Variants in PLCB4 observed in about 807,000 individuals in gnomAD.
PLCB4 encodes the protein phospholipase C beta 4, also known as 1-phosphatidylinositol 4,5-bisphosphate phosphodiesterase beta-4.
In PLCB4, 77 loss-of-function variants were observed where a neutral mutation model predicts 178.8. The ratio of observed to expected loss-of-function variants is 0.43; its 90% CI spans 0.36 to 0.52. PLCB4 has a LOEUF of 0.52. Among genes scored for constraint, PLCB4 ranks in the 20% least tolerant of loss-of-function variants. PLCB4 has a pLI of 0.00. For synonymous variants in PLCB4, 496 were observed against 490.8 expected (o/e 1.01, Z -0.14); for missense variants, 1,024 against 1,453.4 (o/e 0.70, Z 4.80).
At chr20:9,073,621 C>T (rs2089681068) in intron 1 of PLCB4, among the ~76,000 whole-genome samples, 2 of 152,156 alleles carry the variant, frequency 1.3e-5, no homozygotes, top group Non-Finnish European at 2.9e-5. Flanking sequence ...TGCTGGCTCA[C>T]ACCTCTAATG....
intron 2 of PLCB4, among the ~76,000 whole-genome samples, chr20:9,135,166 TTA>T (rs1447985371): frequency 1.3e-5 from 2 of 152,052 alleles, no homozygotes; most frequent in African/African-American, 2.4e-5. Context: ...GTATATATAT[TTA>T]TATACACACA....
At chr20:9,246,955 A>G (rs1226059143) in intron 3 of PLCB4, among the ~76,000 whole-genome samples, 1 of 152,212 alleles carries the variant, frequency 6.6e-6, no homozygotes, top group East Asian at 1.9e-4. Context: ...TCAAAGTATT[A>G]TGAATTGCAA....
intron 2 of PLCB4, among the ~76,000 whole-genome samples, chr20:9,216,111 G>A (rs1397059891): frequency 6.6e-6 from 1 of 151,896 alleles, no homozygotes; most frequent in Non-Finnish European, 1.5e-5. Flanking sequence ...TATAGACACA[G>A]TTTTCCCAGG....
At chr20:9,181,881 A>G (rs963481899) in intron 2 of PLCB4, among the ~76,000 whole-genome samples, 1 of 151,832 alleles carries the variant, frequency 6.6e-6, no homozygotes, top group African/African-American at 2.4e-5. Context: ...ACACCAATAC[A>G]GTCTCCCAAA....
intron 35 of PLCB4, among the ~76,000 whole-genome samples, chr20:9,464,477 T>A (rs1035011200): frequency 1.4e-4 from 22 of 152,022 alleles, no homozygotes; most frequent in African/African-American, 5.1e-4. Context: ...TTCAAAAAAA[T>A]CAATGAATCC....
At chr20:9,449,606 C>T (rs1267128606) in intron 32 of PLCB4, among the ~76,000 whole-genome samples, 1 of 152,140 alleles carries the variant, frequency 6.6e-6, no homozygotes, top group Non-Finnish European at 1.5e-5. Flanking sequence ...TAGGAAAAAA[C>T]AAAACAAAAT....
intron 35 of PLCB4, among the ~76,000 whole-genome samples, chr20:9,467,838 A>T (rs749991247): frequency 3.3e-5 from 5 of 152,210 alleles, no homozygotes; most frequent in Admixed American, 3.3e-4. Context: ...CAGTGCTTTC[A>T]ATAGATCTCC....
chr20:9,474,530 A>G (rs537660742), intron 38 of PLCB4, among the ~76,000 whole-genome samples: 3 of 152,250 alleles, frequency 2.0e-5, no homozygotes, highest in African/African-American at 7.2e-5. Flanking sequence ...TTTTGATGAA[A>G]TATGTACTTG....
intron 26 of PLCB4, 22 bp downstream of exon 26, chr20:9,419,931 A>G: frequency 7.0e-7 from 1 of 1,435,470 alleles, no homozygotes; most frequent in Admixed American, 1.7e-5. Context: ...GCTCATCACA[A>G]GGTAGTATAA....
intron 6 of PLCB4, among the ~76,000 whole-genome samples, chr20:9,338,367 A>G (rs1320321425): frequency 6.6e-6 from 1 of 151,988 alleles, no homozygotes; most frequent in African/African-American, 2.4e-5. Flanking sequence ...ACTCTAAACA[A>G]AGACCCTCAT....
intron 12 of PLCB4, among the ~76,000 whole-genome samples, 181 bp downstream of exon 12, chr20:9,373,285 C>G (rs1346174121): frequency 1.3e-5 from 2 of 152,152 alleles, no homozygotes; most frequent in Non-Finnish European, 2.9e-5. Flanking sequence ...CATGTGCTTT[C>G]TTCACATTGG....
At chr20:9,102,487 G>T (rs1031930660) in intron 2 of PLCB4, among the ~76,000 whole-genome samples, 1 of 152,132 alleles carries the variant, frequency 6.6e-6, no homozygotes, top group African/African-American at 2.4e-5. Flanking sequence ...TGAAGAATTA[G>T]GGATTTAATG....
Position 9,421,477 on chromosome 20 carries a change from C to T in PLCB4, c.2319+16C>T, listed in dbSNP as rs1023083745. 12 of 1,604,976 alleles carry T rather than the reference C, an allele frequency of 7.5e-6. No individual in the cohort carries two copies. Among genetic ancestry groups the T allele is most frequent in the African/African-American group, 1.3e-5 (1 of 74,850 alleles). ...ATTTCGGAAGGTAGGACATTTTCAG[C>T]ACGTCAAACTTACTCTAATAACTTG... On this transcript the variant is annotated intron_variant, in intron 27 of 39. Transcript: ENST00000378473.
chr20:9,340,667 T>C (rs2148082886), intron 7 of PLCB4, among the ~76,000 whole-genome samples: 1 of 152,208 alleles, frequency 6.6e-6, no homozygotes, highest in South Asian at 2.1e-4. Context: ...TGATGCAGTA[T>C]GAGCTCAAGT....
intron 35 of PLCB4, 103 bp from the exon 36 acceptor site, chr20:9,468,468 C>G (rs970729148): frequency 2.8e-6 from 2 of 721,550 alleles, no homozygotes; most frequent in African/African-American, 3.5e-5. Context: ...CACTGCCACC[C>G]ACCTCTAGAA....
intron 3 of PLCB4, among the ~76,000 whole-genome samples, chr20:9,273,914 G>A (rs2094429149): frequency 6.6e-6 from 1 of 152,036 alleles, no homozygotes; most frequent in South Asian, 2.1e-4. Context: ...AGAAAGAACA[G>A]GAGGAAGACT....
intron 3 of PLCB4, among the ~76,000 whole-genome samples, chr20:9,280,669 A>C (rs2094487020): frequency 6.6e-6 from 1 of 151,952 alleles, no homozygotes; most frequent in Admixed American, 6.6e-5. Flanking sequence ...GCTTTGCATC[A>C]GCTCTTCTTG....
At chr20:9,451,185 A>G (rs577707764) in intron 32 of PLCB4, among the ~76,000 whole-genome samples, 13 of 152,302 alleles carry the variant, frequency 8.5e-5, no homozygotes, top group African/African-American at 2.6e-4. Flanking sequence ...AGCATATTAC[A>G]TAGAGTTGAA....
intron 2 of PLCB4, among the ~76,000 whole-genome samples, chr20:9,192,572 C>T (rs2093419210): frequency 1.4e-5 from 2 of 141,448 alleles, no homozygotes; most frequent in Admixed American, 1.5e-4. Flanking sequence ...GTCACCCAGG[C>T]TGGAGTGCAG....
Sources: allele counts gnomAD v4.1 joint callset (sites outside exome capture counted in the v4.1 genomes callset), GRCh38; gene constraint gnomAD v4.1.1; transcripts MANE v1.5; gene names NCBI Gene and HGNC (gene_info 2026-07-23, HGNC 2026-07-21).